MBTPS1: variants seen among roughly 807,000 people sequenced by gnomAD.
MBTPS1 encodes membrane-bound transcription factor site-1 protease.
In MBTPS1, 94 loss-of-function variants were observed where a neutral mutation model predicts 127.8. The observed-to-expected ratio is 0.74, with a 90% CI of 0.62 to 0.87. The LOEUF is 0.87. Ranked by LOEUF, MBTPS1 falls within the 40% of genes least tolerant of loss-of-function variation. The probability of loss-of-function intolerance (pLI) is 0.00; values close to 1 mark genes in which losing one functional copy is unlikely to be tolerated. For missense variants in MBTPS1, 1,636 were observed against 1,353.2 expected, an observed-to-expected ratio of 1.21 and a Z score of -3.28; for synonymous variants, 632 against 509.4, an observed-to-expected ratio of 1.24 and a Z score of -3.24.
rs2085944199 is a variant in MBTPS1 at position 84,081,765 on chromosome 16, C to G, written c.1430G>C (p.Ser477Thr). Reference protein sequence around the residue: ...DLLRAYQILNSYKPQASLSPS... With the variant: ...DLLRAYQILNTYKPQASLSPS... Reference sequence around the variant, plus strand: ...CACTGACCTTGCCTGTGGCTTGTAGCTGTTGAGGATCTGATAGGCTCTGAG... The same window carrying G: ...CACTGACCTTGCCTGTGGCTTGTAGGTGTTGAGGATCTGATAGGCTCTGAG... Residue 477 changes from serine (S) to threonine (T), a missense_variant, in exon 11 of 23, where the codon AGC becomes ACC. Physicochemically the swap from Ser to Thr is moderately conservative, Grantham distance 58. Coordinates refer to ENST00000343411, the MANE Select transcript of MBTPS1 (RefSeq NM_003791.4). The G allele has an allele frequency of 1.4e-6, 2 of 1,433,476 alleles. No individual in the cohort carries two copies. The highest frequency in any genetic ancestry group is 1.6e-5 in the South Asian group (1 of 63,522). 88.8% of individuals were successfully genotyped at this position (1,433,476 alleles called of 1,614,324 possible). A position where few individuals can be genotyped will look rare whatever the true frequency, so the allele number is the denominator to read the frequency against.
In MBTPS1 at chr16:84,099,041, C is replaced by A. The variant is rs1242099433; in HGVS notation, c.421+12G>T. Reference sequence around the variant, plus strand: ...CAGCAGAGAGAAATTTGCCTACAGTCACAATACTCACATTCAGCATACTTG... The same window carrying A: ...CAGCAGAGAGAAATTTGCCTACAGTAACAATACTCACATTCAGCATACTTG... On this transcript the variant is annotated intron_variant, in intron 3 of 22. Coordinates refer to ENST00000343411, the MANE Select transcript of MBTPS1 (RefSeq NM_003791.4). The A allele has an allele frequency of 6.2e-7, 1 of 1,612,258 alleles. No homozygotes were observed. Among genetic ancestry groups the A allele is most frequent in the South Asian group, 1.1e-5 (1 of 90,968 alleles).
intron 14 of MBTPS1, among the ~76,000 whole-genome samples, chr16:84,069,469 C>T (rs993765777): frequency 2.6e-5 from 4 of 152,134 alleles, no homozygotes; most frequent in African/African-American, 9.7e-5. Context: ...GAATTTAGGG[C>T]AACAACAGCA....
chr16:84,107,304 C>T (rs2086337587), intron 1 of MBTPS1, among the ~76,000 whole-genome samples: 1 of 152,206 alleles, frequency 6.6e-6, no homozygotes, highest in African/African-American at 2.4e-5. Context: ...AGCCTGTCAA[C>T]TCCAGCCCAC....
chr16:84,059,006 C>A (rs1425887428), intron 21 of MBTPS1, among the ~76,000 whole-genome samples: 1 of 152,220 alleles, frequency 6.6e-6, no homozygotes, highest in Non-Finnish European at 1.5e-5. Flanking sequence ...TCCCCAACCA[C>A]AGGACTTAGA....
chr16:84,085,651 A>G (rs2086011848), intron 9 of MBTPS1, among the ~76,000 whole-genome samples: 1 of 151,846 alleles, frequency 6.6e-6, no homozygotes, highest in Non-Finnish European at 1.5e-5. Flanking sequence ...TAATGTAGAA[A>G]GTAAATTTTT....
At chr16:84,109,884 G>C (rs2086375708) in intron 1 of MBTPS1, among the ~76,000 whole-genome samples, 1 of 152,224 alleles carries the variant, frequency 6.6e-6, no homozygotes, top group Non-Finnish European at 1.5e-5. Flanking sequence ...GATTATGTAA[G>C]AAGGTCCTTG....
At chr16:84,090,428 G>A (rs1490987552) in intron 8 of MBTPS1, among the ~76,000 whole-genome samples, 2 of 152,192 alleles carry the variant, frequency 1.3e-5, no homozygotes, top group Non-Finnish European at 2.9e-5. Context: ...CACTTCCCCT[G>A]TGAATGAGTG....
At chr16:84,105,057 G>C (rs1460219337) in intron 1 of MBTPS1, among the ~76,000 whole-genome samples, 1 of 151,838 alleles carries the variant, frequency 6.6e-6, no homozygotes, top group East Asian at 1.9e-4. Flanking sequence ...AGCTGAGATT[G>C]GGACACTGCA....
Position 84,095,617 on chromosome 16 carries a change from G to A in MBTPS1, c.610C>T (p.Gln204Ter). Residue 204 changes from glutamine (Q) to a stop codon, truncating the protein, a stop_gained, in exon 4 of 23, where the codon CAG becomes TAG. Coordinates refer to ENST00000343411, the MANE Select transcript of MBTPS1 (RefSeq NM_003791.4). LOFTEE classifies it high-confidence loss of function. Reference protein sequence around the residue: ...AQTLQADVLWQMGYTGANVRV... With the variant: ...AQTLQADVLW ...TAGCACACACCTGTATATCCCATCT[G>A]CCAGAGCACATCTGCCTGCAGTGTC... 2.5e-6 allele frequency: 4 copies of A among 1,614,198 alleles called. No individual in the cohort carries two copies. Among genetic ancestry groups the A allele is most frequent in the Non-Finnish European group, 3.4e-6 (4 of 1,180,030 alleles).
chr16:84,058,979 A>T (rs2085564843), intron 21 of MBTPS1, among the ~76,000 whole-genome samples: 1 of 152,242 alleles, frequency 6.6e-6, no homozygotes, highest in African/African-American at 2.4e-5. Flanking sequence ...AACACACTGC[A>T]GCCGGCAGCT....
intron 3 of MBTPS1, 136 bp downstream of exon 3, chr16:84,098,917 A>T: frequency 1.1e-6 from 1 of 904,798 alleles, no homozygotes; most frequent in Non-Finnish European, 1.7e-6. Flanking sequence ...AAAAATTCCT[A>T]CCAGGAAAAT....
Position 84,054,649 on chromosome 16 carries a change from T to C in MBTPS1, c.2963-4A>G. ...TTGTAGCGGCCAGGCATGATCCCTG[T>C]AAGAGGACAGCCGGTTGAACAGGCA... On this transcript the variant is annotated splice_polypyrimidine_tract_variant and splice_region_variant and intron_variant, in intron 22 of 22. Coordinates refer to ENST00000343411, the MANE Select transcript of MBTPS1 (RefSeq NM_003791.4). 1.3e-6 allele frequency: 2 copies of C among 1,582,154 alleles called. No individual in the cohort carries two copies. The highest frequency in any genetic ancestry group is 2.3e-5 in the South Asian group (2 of 87,808).
intron 21 of MBTPS1, chr16:84,057,069 C>G (rs941629707): frequency 6.6e-6 from 1 of 152,218 alleles, no homozygotes; most frequent in African/African-American, 2.4e-5. Flanking sequence ...ACGTCCAGTC[C>G]TATCAGCAAT....
At chr16:84,115,469 AC>A (rs2086461406) in intron 1 of MBTPS1, among the ~76,000 whole-genome samples, 1 of 152,162 alleles carries the variant, frequency 6.6e-6, no homozygotes, top group East Asian at 1.9e-4. Context: ...CATAAAATAA[AC>A]TTTTATTTGT....
intron 11 of MBTPS1, among the ~76,000 whole-genome samples, chr16:84,077,651 AAC>A (rs951255964): frequency 1.1e-4 from 17 of 152,206 alleles, no homozygotes; most frequent in Non-Finnish European, 2.4e-4. Flanking sequence ...ATTAGAAGAA[AAC>A]ACAGGTGAAT....
chr16:84,056,452 T>TG (rs1308387709), intron 21 of MBTPS1: 1 of 219,750 alleles, frequency 4.6e-6, no homozygotes, highest in African/African-American at 2.3e-5. Context: ...AGCGAGGCCC[T>TG]GGAAGGAGCC....
chr16:84,076,700 C>A (rs1416543849), intron 11 of MBTPS1, among the ~76,000 whole-genome samples: 1 of 152,158 alleles, frequency 6.6e-6, no homozygotes, highest in East Asian at 1.9e-4. Context: ...CTTAAACTTA[C>A]CAAGAAATGT....
At chr16:84,087,623 G>A (rs1346314423) in intron 8 of MBTPS1, among the ~76,000 whole-genome samples, 163 bp from the exon 9 acceptor site, 1 of 152,140 alleles carries the variant, frequency 6.6e-6, no homozygotes, top group Non-Finnish European at 1.5e-5. Flanking sequence ...CGGCTGTCCT[G>A]TGAAACGCAT....
chr16:84,070,802 G>C, intron 12 of MBTPS1, 26 bp from the exon 13 acceptor site: 4 of 1,571,970 alleles, frequency 2.5e-6, no homozygotes, highest in Non-Finnish European at 3.5e-6. Flanking sequence ...ATCAGACAAA[G>C]GCTAAAGTGA....
Sources: allele counts gnomAD v4.1 joint callset (sites outside exome capture counted in the v4.1 genomes callset), GRCh38; gene constraint gnomAD v4.1.1; transcripts MANE v1.5; gene names NCBI Gene and HGNC (gene_info 2026-07-23, HGNC 2026-07-21).